Variants in CACNG7 observed in about 807,000 individuals in gnomAD.
CACNG7 encodes calcium voltage-gated channel auxiliary subunit gamma 7.
Under a neutral mutation model 26.3 loss-of-function variants are expected in CACNG7, and 9 were observed. The ratio of observed to expected loss-of-function variants is 0.34; its 90% confidence interval spans 0.21 to 0.60. The LOEUF (loss-of-function observed/expected upper bound fraction) is 0.60, where lower values mean the gene tolerates loss of function less well. Ranked by LOEUF, CACNG7 falls within the 20% of genes least tolerant of loss-of-function variation. The probability of loss-of-function intolerance (pLI) is 0.81; values close to 1 mark genes in which losing one functional copy is unlikely to be tolerated. For synonymous variants in CACNG7, 170 were observed against 157.0 expected, an observed-to-expected ratio of 1.08 and a Z score of -0.62; for missense variants, 297 against 380.4, an observed-to-expected ratio of 0.78 and a Z score of 1.82.
Position 53,942,340 on chromosome 19 carries a change from A to AG in CACNG7, c.*53dup, listed in dbSNP as rs11324363. ...CCTGCCTCCTCCTCCTCCTCGTCTT[A>AG]GGGGGGTCTCCCTGCAATGCAGCGC... is the stretch of plus-strand genomic sequence containing the variant. On this transcript the variant is annotated 3_prime_UTR_variant, in exon 6 of 6. Transcript: ENST00000391767. The surrounding 1 kb of genome is among the most constrained non-coding windows in gnomAD (Gnocchi z 5.9). 2,234 of 1,558,000 alleles carry AG rather than the reference A, an allele frequency of 1.4e-3. 26 individuals carry two copies. The African/African-American group carries it at 0.022, about 15-fold the overall frequency.
At chr19:53,910,645 A>C (rs1568768112) in intron 1 of CACNG7, among the ~76,000 whole-genome samples, 1 of 152,030 alleles carries the variant, frequency 6.6e-6, no homozygotes, top group Non-Finnish European at 1.5e-5. Flanking sequence ...AAATCACGGG[A>C]TTGCGTGGCT....
Position 53,909,340 on chromosome 19 carries a change from C to CGCGGGGG in CACNG7, c.-205_-199dup. ...TCCGTCCGCCGAGTGAGGCCGCGGC[C>CGCGGGGG]GCGGGGGGTGGGGGGTGGGAGGCCG... is the stretch of plus-strand genomic sequence containing the variant. On this transcript the variant is annotated 5_prime_UTR_variant, in exon 1 of 6. Coordinates refer to ENST00000391767, the MANE Select transcript of CACNG7 (RefSeq NM_031896.5). The surrounding 1 kb of genome is among the most constrained non-coding windows in gnomAD (Gnocchi z 5.1). The CGCGGGGG allele has an allele frequency of 7.0e-6, 1 of 143,648 alleles. No homozygotes were observed. The highest frequency in any genetic ancestry group is 6.8e-5 in the Admixed American group (1 of 14,622). 8.9% of individuals were successfully genotyped at this position (143,648 alleles called of 1,614,324 possible).
intron 4 of CACNG7, among the ~76,000 whole-genome samples, chr19:53,926,438 C>T (rs2069031704): frequency 6.6e-6 from 1 of 152,102 alleles, no homozygotes; most frequent in Non-Finnish European, 1.5e-5. Flanking sequence ...TCCACCCGAC[C>T]CTAATTCTCA....
At chr19:53,926,081 A>G (rs866669650) in intron 4 of CACNG7, among the ~76,000 whole-genome samples, 41 of 152,316 alleles carry the variant, frequency 2.7e-4, no homozygotes, top group African/African-American at 9.6e-4. Context: ...GGCACAGAAA[A>G]CACAATTAAA....
chr19:53,920,414 T>TGGTCATTGGTGGACTTGCCCCAGGCC (rs2068934274), intron 4 of CACNG7, among the ~76,000 whole-genome samples: 3 of 93,976 alleles, frequency 3.2e-5, no homozygotes, highest in Non-Finnish European at 5.9e-5. Flanking sequence ...GCCCCAGGTC[T>TGGTCATTGGTGGACTTGCCCCAGGCC]GGTCATTGGT....
intron 4 of CACNG7, among the ~76,000 whole-genome samples, chr19:53,930,787 G>T (rs2069066661): frequency 6.6e-6 from 1 of 152,166 alleles, no homozygotes; most frequent in African/African-American, 2.4e-5. Context: ...TTATAGGTGT[G>T]AGCCACTGTG....
chr19:53,939,717 G>A lies in CACNG7; in HGVS notation c.425-1753G>A, dbSNP rs77293237. ...GCTGTTTCCGCTTTTTGGCTATTACGCATAACGCTGTTACAAACATCCGTG... is the reference window on the plus strand; with the variant it reads ...GCTGTTTCCGCTTTTTGGCTATTACACATAACGCTGTTACAAACATCCGTG... On this transcript the variant is annotated intron_variant, in intron 4 of 5. Transcript: ENST00000391767. This position sits in a 1 kb window ranked among gnomAD's most constrained non-coding sequence, Gnocchi z 4.2. Among the ~76,000 whole-genome samples, 1,702 of 152,088 alleles carry A rather than the reference G, an allele frequency of 0.011. 43 individuals carry two copies. Among genetic ancestry groups the A allele is most frequent in the African/African-American group, 0.039 (1,623 of 41,480 alleles).
At chr19:53,921,603 TCGTCCCCAGGTC>T (rs1257067910) in intron 4 of CACNG7, among the ~76,000 whole-genome samples, 1 of 94,212 alleles carries the variant, frequency 1.1e-5, no homozygotes. Context: ...ATTGGTGGAG[TCGTCCCCAGGTC>T]TGGTCATTGG....
intron 4 of CACNG7, among the ~76,000 whole-genome samples, chr19:53,930,543 T>G (rs1336293019): frequency 6.6e-6 from 1 of 152,104 alleles, no homozygotes; most frequent in Admixed American, 6.6e-5. Flanking sequence ...CTGCTAATTT[T>G]TCTGTATTTT....
chr19:53,910,131 G>A (rs1189251269), intron 1 of CACNG7, among the ~76,000 whole-genome samples: 1 of 152,134 alleles, frequency 6.6e-6, no homozygotes, highest in Non-Finnish European at 1.5e-5. Flanking sequence ...ATGTGGAGAA[G>A]GGACGAGGTC....
chr19:53,914,521 T>C lies in CACNG7; in HGVS notation c.218T>C (p.Val73Ala), dbSNP rs770070018. Residue 73 changes from valine (V) to alanine (A), a missense_variant, in exon 3 of 6, where the codon GTG (valine) becomes GCG (alanine). Physicochemically the swap from Val to Ala is moderately conservative, Grantham distance 64 (BLOSUM62 0). Coordinates refer to ENST00000391767, the MANE Select transcript of CACNG7 (RefSeq NM_031896.5). ...FFAGREKGRC[V>A]ASEYFLEPEI... is the part of the protein sequence containing the mutation. ...CCAGGTCGGGAGAAAGGTCGCTGTG[T>C]GGCCTCAGAATATTTTCTTGAACCG... The C allele has an allele frequency of 1.9e-6, 3 of 1,614,108 alleles. No homozygotes were observed. In the South Asian group the frequency reaches 3.3e-5, roughly 18 times the overall value.
At chr19:53,929,762 C>T (rs919489195) in intron 4 of CACNG7, among the ~76,000 whole-genome samples, 9 of 152,110 alleles carry the variant, frequency 5.9e-5, no homozygotes, top group African/African-American at 1.7e-4. Flanking sequence ...TCCCTTACTG[C>T]GTCTCAACAT....
intron 4 of CACNG7, among the ~76,000 whole-genome samples, chr19:53,923,721 G>T (rs1288095615): frequency 7.3e-6 from 1 of 137,312 alleles, no homozygotes; most frequent in Non-Finnish European, 1.5e-5. Flanking sequence ...CCCAGGTCTG[G>T]TCATTGGTGG....
rs2069145070 is a variant in CACNG7 at position 53,942,473 on chromosome 19, G to A, written c.*180G>A. On this transcript the variant is annotated 3_prime_UTR_variant, in exon 6 of 6. Coordinates refer to ENST00000391767, the MANE Select transcript of CACNG7 (RefSeq NM_031896.5). The surrounding 1 kb of genome is among the most constrained non-coding windows in gnomAD (Gnocchi z 5.9). ...GCCCACAGACTCCCTTATTTCAATGGCCGCGCCCTCTTTTCCCGACCTCTC... is the reference window on the plus strand; with the variant it reads ...GCCCACAGACTCCCTTATTTCAATGACCGCGCCCTCTTTTCCCGACCTCTC... 1.4e-6 allele frequency: 2 copies of A among 1,444,168 alleles called. No homozygotes were observed. Among genetic ancestry groups the A allele is most frequent in the Admixed American group, 5.5e-5 (2 of 36,160 alleles). 89.5% of individuals were successfully genotyped at this position (1,444,168 alleles called of 1,614,324 possible).
At chr19:53,916,599 C>T (rs2068900243) in intron 4 of CACNG7, among the ~76,000 whole-genome samples, 1 of 150,258 alleles carries the variant, frequency 6.7e-6, no homozygotes, top group Non-Finnish European at 1.5e-5. Flanking sequence ...GACAATTCTC[C>T]TGCCTCAGCC....
rs1568776697 is a variant in CACNG7, at chr19:53,923,825, T to TCTGGTCATTGGTGGAGTTGCCCCAGGC, written c.424+8374_424+8400dup. On this transcript the variant is annotated intron_variant, in intron 4 of 5. Coordinates refer to ENST00000391767, the MANE Select transcript of CACNG7 (RefSeq NM_031896.5). ...TGGTCATTGGTGGAGTTGCCCCAGGTCTGGTCATTGGTGGAGTTGCCCCAG... is the reference window on the plus strand; with the variant it reads ...TGGTCATTGGTGGAGTTGCCCCAGGTCTGGTCATTGGTGGAGTTGCCCCAGGCCTGGTCATTGGTGGAGTTGCCCCAG... Among the ~76,000 whole-genome samples the TCTGGTCATTGGTGGAGTTGCCCCAGGC allele has an allele frequency of 1.7e-4, 8 of 45,756 alleles. 1 individual carries two copies. Among genetic ancestry groups the TCTGGTCATTGGTGGAGTTGCCCCAGGC allele is most frequent in the African/African-American group, 1.1e-3 (5 of 4,420 alleles). 30.0% of individuals were successfully genotyped at this position (45,756 alleles called of 152,430 possible).
intron 4 of CACNG7, among the ~76,000 whole-genome samples, chr19:53,921,739 T>A (rs187692782): frequency 1.2e-5 from 1 of 85,022 alleles, no homozygotes; most frequent in Non-Finnish European, 2.2e-5. Flanking sequence ...ATTGGTGGAG[T>A]TGCCCCAGGT....
chr19:53,942,651 TC>T lies in CACNG7; in HGVS notation c.*362del, dbSNP rs767140778. 4.5e-5 allele frequency: 43 copies of T among 965,956 alleles called. No homozygotes were observed. Among genetic ancestry groups the T allele is most frequent in the South Asian group, 3.1e-4 (8 of 25,738 alleles). 59.8% of individuals were successfully genotyped at this position (965,956 alleles called of 1,614,324 possible). A position where few individuals can be genotyped will look rare whatever the true frequency, so the allele number is the denominator to read the frequency against. On this transcript the variant is annotated 3_prime_UTR_variant, in exon 6 of 6. Transcript: ENST00000391767. This position sits in a 1 kb window ranked among gnomAD's most constrained non-coding sequence, Gnocchi z 5.9. ...GCCAGAGGCGGTGCAAGCGCCCAGC[TC>T]CCCAGAGCTCCCCAACCTCGGACCT...
At chr19:53,922,255 T>C (rs1184793005) in intron 4 of CACNG7, among the ~76,000 whole-genome samples, 7 of 54,742 alleles carry the variant, frequency 1.3e-4, no homozygotes, top group East Asian at 4.2e-4. Flanking sequence ...GGTGGAGTTG[T>C]CCCCAGGTCT....
Sources: allele counts gnomAD v4.1 joint callset (sites outside exome capture counted in the v4.1 genomes callset), GRCh38; gene constraint gnomAD v4.1.1; non-coding constraint Gnocchi (gnomAD v3.1); transcripts MANE v1.5; gene names NCBI Gene and HGNC (gene_info 2026-07-23, HGNC 2026-07-21).